RBMS1: variants seen among roughly 807,000 people sequenced by gnomAD.
RBMS1 encodes RNA-binding motif, single-stranded-interacting protein 1.
Under a neutral mutation model 62.3 loss-of-function variants are expected in RBMS1, and 17 were observed. The ratio of observed to expected loss-of-function variants is 0.27; its 90% CI spans 0.19 to 0.41. RBMS1 has a LOEUF of 0.41. RBMS1 is among the 10% of genes least tolerant of loss of function. The pLI, the probability that RBMS1 is intolerant of heterozygous loss-of-function variation, is 1.00. For synonymous variants in RBMS1, 172 were observed against 170.0 expected, an observed-to-expected ratio of 1.01 and a Z score of -0.09; for missense variants, 334 against 504.5, an observed-to-expected ratio of 0.66 and a Z score of 3.24.
In RBMS1 at chr2:160,281,295, AT is replaced by A; in HGVS notation, c.951+18del. The stretch of plus-strand genomic sequence containing the variant: ...TAACTTACTTGTAAAACACAAAGTC[AT>A]TAAGATAAAAAACTTACAGGGTGCT... On this transcript the variant is annotated intron_variant, in intron 10 of 13. Coordinates refer to ENST00000348849, the MANE Select transcript of RBMS1 (RefSeq NM_016836.4). The A allele has an allele frequency of 6.3e-7, 1 of 1,585,170 alleles. No homozygotes were observed. Among genetic ancestry groups the A allele is most frequent in the Non-Finnish European group, 8.6e-7 (1 of 1,160,044 alleles).
chr2:160,399,715 A>AG (rs911695531), intron 1 of RBMS1, among the ~76,000 whole-genome samples: 3 of 152,234 alleles, frequency 2.0e-5, no homozygotes, highest in African/African-American at 7.2e-5. Context: ...CTGAATTGGC[A>AG]GGGTTGGGTT....
At chr2:160,344,728 C>T (rs559285270) in intron 2 of RBMS1, among the ~76,000 whole-genome samples, 2 of 152,208 alleles carry the variant, frequency 1.3e-5, no homozygotes, top group African/African-American at 2.4e-5. Context: ...GAGAAGAAAA[C>T]CCATTATTAC....
intron 1 of RBMS1, among the ~76,000 whole-genome samples, chr2:160,384,152 G>A (rs945419758): frequency 2.6e-5 from 4 of 152,158 alleles, no homozygotes; most frequent in Non-Finnish European, 4.4e-5. Flanking sequence ...AGCCAAGATC[G>A]TGCCACCGCA....
chr2:160,392,717 T>A (rs1459490236), intron 1 of RBMS1, among the ~76,000 whole-genome samples: 12 of 152,088 alleles, frequency 7.9e-5, no homozygotes, highest in Admixed American at 7.9e-4. Context: ...CATAGTGAGA[T>A]CTTATCTCTA....
At chr2:160,473,372 A>T (rs1208843994) in intron 1 of RBMS1, among the ~76,000 whole-genome samples, 1 of 152,244 alleles carries the variant, frequency 6.6e-6, no homozygotes, top group Admixed American at 6.5e-5. Context: ...TGTATTAAGT[A>T]CACAGGTATT....
intron 1 of RBMS1, among the ~76,000 whole-genome samples, chr2:160,485,619 G>A (rs1685569441): frequency 6.6e-6 from 1 of 151,742 alleles, no homozygotes; most frequent in South Asian, 2.1e-4. Context: ...TGTTGGAAAT[G>A]CAACTCACTT....
intron 2 of RBMS1, 68 bp downstream of exon 2, chr2:160,367,148 T>C: frequency 6.8e-6 from 10 of 1,479,544 alleles, no homozygotes; most frequent in Middle Eastern, 4.8e-4. Context: ...TAATGCAGTA[T>C]ATATCACTCT....
Position 160,386,355 on chromosome 2 carries a change from G to A in RBMS1, c.76-18964C>T, listed in dbSNP as rs572317495. Among the ~76,000 whole-genome samples, 33 of 152,274 alleles carry A rather than the reference G, an allele frequency of 2.2e-4. No homozygotes were observed. In the South Asian group the frequency reaches 6.6e-3, roughly 31 times the overall value. Reference sequence around the variant, plus strand: ...GTTCGAGACCAGCCTGACCAACACAGTGAAACACCGTCTTTACTAAAAATA... The same window carrying A: ...GTTCGAGACCAGCCTGACCAACACAATGAAACACCGTCTTTACTAAAAATA... On this transcript the variant is annotated intron_variant, in intron 1 of 13. Transcript: ENST00000348849.
intron 1 of RBMS1, among the ~76,000 whole-genome samples, chr2:160,380,105 A>G (rs1694203639): frequency 6.6e-6 from 1 of 152,226 alleles, no homozygotes; most frequent in African/African-American, 2.4e-5. Flanking sequence ...AGTACCCAAA[A>G]TGAGTTTTGT....
At chr2:160,489,923 C>T (rs1043193203) in intron 1 of RBMS1, among the ~76,000 whole-genome samples, 1 of 152,044 alleles carries the variant, frequency 6.6e-6, no homozygotes, top group African/African-American at 2.4e-5. Context: ...TCCCTTTCTT[C>T]AAAAGAAACA....
intron 7 of RBMS1, among the ~76,000 whole-genome samples, chr2:160,285,887 G>A (rs1688358514): frequency 6.6e-6 from 1 of 151,950 alleles, no homozygotes; most frequent in Non-Finnish European, 1.5e-5. Context: ...TGAGGTGGGT[G>A]GATCATGAGG....
intron 1 of RBMS1, among the ~76,000 whole-genome samples, chr2:160,432,080 T>C (rs1008179028): frequency 1.3e-5 from 2 of 152,190 alleles, no homozygotes; most frequent in African/African-American, 4.8e-5. Flanking sequence ...ATGAATCTAT[T>C]ATATTTAAAG....
At chr2:160,364,940 T>C (rs1047887995) in intron 2 of RBMS1, among the ~76,000 whole-genome samples, 5 of 152,204 alleles carry the variant, frequency 3.3e-5, no homozygotes, top group African/African-American at 1.2e-4. Flanking sequence ...CTTTTCTTTT[T>C]TAGAGGTATG....
chr2:160,338,851 T>G (rs183707593), intron 2 of RBMS1, among the ~76,000 whole-genome samples: 2 of 151,482 alleles, frequency 1.3e-5, no homozygotes, highest in African/African-American at 4.9e-5. Flanking sequence ...AAGAGGAGAG[T>G]TGAGGAAAGA....
intron 1 of RBMS1, among the ~76,000 whole-genome samples, chr2:160,376,070 T>C (rs1693981764): frequency 2.0e-5 from 3 of 152,184 alleles, no homozygotes; most frequent in Non-Finnish European, 4.4e-5. Context: ...GTACAGTCTG[T>C]ATCTTAGTAT....
chr2:160,321,744 T>G (rs933556466), intron 2 of RBMS1, among the ~76,000 whole-genome samples: 1 of 152,156 alleles, frequency 6.6e-6, no homozygotes. Context: ...GTGCCACCAC[T>G]AACTCAGTAA....
At chr2:160,442,524 C>A (rs1199493404) in intron 1 of RBMS1, among the ~76,000 whole-genome samples, 1 of 152,174 alleles carries the variant, frequency 6.6e-6, no homozygotes, top group Non-Finnish European at 1.5e-5. Context: ...AACTAGCCAT[C>A]CCAATACTGA....
intron 1 of RBMS1, among the ~76,000 whole-genome samples, chr2:160,431,886 T>G (rs1046629525): frequency 1.3e-5 from 2 of 152,142 alleles, no homozygotes; most frequent in East Asian, 1.9e-4. Flanking sequence ...AACCCTCATA[T>G]AGCATACTGT....
intron 1 of RBMS1, among the ~76,000 whole-genome samples, chr2:160,455,310 G>C (rs1375146582): frequency 6.6e-6 from 1 of 152,192 alleles, no homozygotes; most frequent in African/African-American, 2.4e-5. Flanking sequence ...ACTCCTCTCT[G>C]TTGCGAACAA....
Sources: allele counts gnomAD v4.1 joint callset (sites outside exome capture counted in the v4.1 genomes callset), GRCh38; gene constraint gnomAD v4.1.1; transcripts MANE v1.5; gene names NCBI Gene and HGNC (gene_info 2026-07-23, HGNC 2026-07-21).